Variants in DMXL1 observed in about 807,000 individuals in gnomAD.
The protein encoded by DMXL1 is dmX-like protein 1.
In DMXL1, 99 loss-of-function variants were observed where a neutral mutation model predicts 319.2. The observed-to-expected ratio is 0.31, with a 90% CI of 0.26 to 0.37. The LOEUF (loss-of-function observed/expected upper bound fraction) is 0.37. Among genes scored for constraint, DMXL1 ranks in the 10% least tolerant of loss-of-function variants. DMXL1 has a pLI of 1.00. For missense variants in DMXL1, 3,745 were observed against 3,595.6 expected, an observed-to-expected ratio of 1.04 and a Z score of -1.06; for synonymous variants, 1,385 against 1,235.2, an observed-to-expected ratio of 1.12 and a Z score of -2.54.
At chr5:119,071,774 T>G in intron 1 of DMXL1, 118 bp downstream of exon 1, 1 of 897,632 alleles carries the variant, frequency 1.1e-6, no homozygotes, top group Middle Eastern at 3.5e-4. Context: ...GGGGGGTCCT[T>G]ACCACCCAGA....
At chr5:119,226,335 T>A (rs1785555124) in intron 38 of DMXL1, among the ~76,000 whole-genome samples, 1 of 152,202 alleles carries the variant, frequency 6.6e-6, no homozygotes, top group South Asian at 2.1e-4. Flanking sequence ...CTTTTCGTGT[T>A]GTGAAAATGT....
At chr5:119,217,013 G>T in intron 35 of DMXL1, 26 bp downstream of exon 35, 1 of 1,266,584 alleles carries the variant, frequency 7.9e-7, no homozygotes, top group Non-Finnish European at 1.1e-6. Flanking sequence ...TTCTTCTTTT[G>T]TTTATTAAGT....
At position 119,249,108 on chromosome 5, in the gene DMXL1, A is replaced by C. The variant is rs1289359766; in HGVS notation, c.*1889A>C. 1 of 152,592 alleles carries C rather than the reference A, an allele frequency of 6.6e-6. No individual in the cohort carries two copies. The highest frequency in any genetic ancestry group is 2.4e-5 in the African/African-American group (1 of 41,456). The allele number at this position is 152,592 out of a possible 1,614,324, so 9.5% of individuals were successfully genotyped here. A position where few individuals can be genotyped will look rare whatever the true frequency, so the allele number is the denominator to read the frequency against. Reference sequence around the variant, plus strand: ...ATCCAGAGTCATAATATTTTAAATAAACAATCATGCAGAAACTTTTTTAGG... The same window carrying C: ...ATCCAGAGTCATAATATTTTAAATACACAATCATGCAGAAACTTTTTTAGG... On this transcript the variant is annotated 3_prime_UTR_variant, in exon 44 of 44. Coordinates refer to ENST00000539542, the MANE Select transcript of DMXL1 (RefSeq NM_001290321.3).
chr5:119,166,839 G>T (rs1773536085), intron 22 of DMXL1, 58 bp downstream of exon 22: 1 of 1,389,596 alleles, frequency 7.2e-7, no homozygotes, highest in Non-Finnish European at 9.7e-7. Context: ...AAGCTCCTTA[G>T]TGCTTAAATT....
intron 2 of DMXL1, among the ~76,000 whole-genome samples, chr5:119,100,321 A>C (rs1477782226): frequency 6.6e-6 from 1 of 151,800 alleles, no homozygotes; most frequent in Non-Finnish European, 1.5e-5. Context: ...CTGTAATCCC[A>C]GCTACTCAGG....
chr5:119,217,765 TGTAATAC>T (rs1783939168), intron 35 of DMXL1, among the ~76,000 whole-genome samples: 1 of 152,192 alleles, frequency 6.6e-6, no homozygotes, highest in Non-Finnish European at 1.5e-5. Context: ...ATATGTAATA[TGTAATAC>T]AGGGAAGTGT....
chr5:119,195,396 A>G (rs945912479), intron 30 of DMXL1, among the ~76,000 whole-genome samples: 9 of 152,236 alleles, frequency 5.9e-5, no homozygotes, highest in African/African-American at 1.7e-4. Flanking sequence ...TGTACGTTCA[A>G]CGGAGTATTA....
At position 119,152,031 on chromosome 5, in the gene DMXL1, A is replaced by G; in HGVS notation, c.4697A>G (p.His1566Arg). Residue 1566 changes from histidine (H) to arginine (R), a missense_variant, in exon 19 of 44, where the codon CAC becomes CGC. Coordinates refer to ENST00000539542, the MANE Select transcript of DMXL1 (RefSeq NM_001290321.3). ...SLPAYRAQLL[H>R]QGLSTSHFAW... is the part of the protein sequence containing the mutation. Reference sequence around the variant, plus strand: ...CCAGCCTATCGAGCTCAACTCCTTCACCAAGGTGATTTTGATAGTAATCTA... The same window carrying G: ...CCAGCCTATCGAGCTCAACTCCTTCGCCAAGGTGATTTTGATAGTAATCTA... 6.2e-7 allele frequency: 1 copy of G among 1,605,954 alleles called. No individual in the cohort carries two copies. The highest frequency in any genetic ancestry group is 8.5e-7 in the Non-Finnish European group (1 of 1,173,798).
Position 119,071,396 on chromosome 5 carries a change from C to G in DMXL1, c.-174C>G. 1.6e-6 allele frequency: 1 copy of G among 616,596 alleles called. No homozygotes were observed. 38.2% of individuals were successfully genotyped at this position (616,596 alleles called of 1,614,324 possible). On this transcript the variant is annotated 5_prime_UTR_variant, in exon 1 of 44. Coordinates refer to ENST00000539542, the MANE Select transcript of DMXL1 (RefSeq NM_001290321.3). The stretch of plus-strand genomic sequence containing the variant: ...CCCCTCCGGGCCTCGCCCTCCGGGG[C>G]TCGGGATGAGTCGCGGGCCCCAGCT...
Position 119,135,202 on chromosome 5 carries a change from AT to A in DMXL1, c.2376+818del, listed in dbSNP as rs368363361. On this transcript the variant is annotated intron_variant, in intron 13 of 43. Transcript: ENST00000539542. ...GGGGGGGGTCTTCTATTTATCAGGCATTTTTAAGTAATGGGAATTTAGATGT... is the reference window on the plus strand; with the variant it reads ...GGGGGGGGTCTTCTATTTATCAGGCATTTTAAGTAATGGGAATTTAGATGT... Among the ~76,000 whole-genome samples the A allele has an allele frequency of 2.4e-4, 36 of 152,292 alleles. 1 individual carries two copies. In the East Asian group the frequency reaches 6.7e-3, roughly 29 times the overall value.
At position 119,171,096 on chromosome 5, in the gene DMXL1, A is replaced by C; in HGVS notation, c.6305A>C (p.Asp2102Ala). The change falls in exon 24 of 44, where the codon GAT becomes GCT. Residue 2102 changes from aspartate (D) to alanine (A), a missense_variant. By Grantham distance (126) the Asp-to-Ala change is moderately radical (BLOSUM62 -2). Coordinates refer to ENST00000539542, the MANE Select transcript of DMXL1 (RefSeq NM_001290321.3). ...TTTGGATTAAATGAGGATGCTGAAG[A>C]TTTGCCTCACCAAACAAAAGTGAAA... ...DEFGLNEDAE[D>A]LPHQTKVKQL... 1 of 1,613,892 alleles carries C rather than the reference A, an allele frequency of 6.2e-7. No homozygotes were observed. Among genetic ancestry groups the C allele is most frequent in the South Asian group, 1.1e-5 (1 of 91,060 alleles).
At position 119,120,971 on chromosome 5, in the gene DMXL1, G is replaced by C. The variant is rs1017468932; in HGVS notation, c.934G>C (p.Val312Leu). The change falls in exon 9 of 44, where the codon GTA becomes CTA. Residue 312 changes from valine (V) to leucine (L), a missense_variant and splice_region_variant. Physicochemically the swap from Val to Leu is conservative, Grantham distance 32 (BLOSUM62 1). Coordinates refer to ENST00000539542, the MANE Select transcript of DMXL1 (RefSeq NM_001290321.3). ...ATTAGTTTTGTTTCTATTCACACAG[G>C]TAAATCTGAGACATTTTCGTAGAGG... ...SKERVQNALEVNLRHFRRGRR... is the reference protein window; with the variant it reads ...SKERVQNALELNLRHFRRGRR... 5 of 1,606,820 alleles carry C rather than the reference G, an allele frequency of 3.1e-6. No homozygotes were observed. The highest frequency in any genetic ancestry group is 4.2e-6 in the Non-Finnish European group (5 of 1,177,614).
At chr5:119,108,538 C>T (rs1430862872) in intron 4 of DMXL1, among the ~76,000 whole-genome samples, 2 of 152,088 alleles carry the variant, frequency 1.3e-5, no homozygotes, top group African/African-American at 4.8e-5. Context: ...ATCCTTTCAC[C>T]TCAGCCTCCC....
At chr5:119,175,172 T>C in intron 25 of DMXL1, 89 bp from the exon 26 acceptor site, 1 of 968,708 alleles carries the variant, frequency 1.0e-6, no homozygotes, top group Non-Finnish European at 1.5e-6. Flanking sequence ...TTTTTCATTC[T>C]TTTAAAAATG....
intron 24 of DMXL1, 97 bp downstream of exon 24, chr5:119,171,377 T>C (rs923150202): frequency 1.6e-6 from 2 of 1,263,042 alleles, no homozygotes; most frequent in African/African-American, 3.0e-5. Context: ...ATTTTCTTTA[T>C]TACGGTTGCT....
intron 19 of DMXL1, among the ~76,000 whole-genome samples, chr5:119,163,055 T>C (rs1157701217): frequency 6.6e-6 from 1 of 152,196 alleles, no homozygotes; most frequent in Admixed American, 6.5e-5. Context: ...GCAATAAACA[T>C]GTGTAGGCCA....
intron 25 of DMXL1, among the ~76,000 whole-genome samples, chr5:119,173,756 A>ATATATATATGTGTGTG (rs1561795278): frequency 7.2e-5 from 7 of 97,486 alleles, no homozygotes; most frequent in African/African-American, 3.8e-4. Flanking sequence ...ATGTGTGTGT[A>ATATATATATGTGTGTG]TATATATATA....
intron 33 of DMXL1, among the ~76,000 whole-genome samples, chr5:119,206,233 T>TG (rs1781717807): frequency 6.6e-6 from 1 of 152,092 alleles, no homozygotes; most frequent in African/African-American, 2.4e-5. Context: ...TTTCTGTTTT[T>TG]TTTTGTTTTG....
At chr5:119,197,540 C>T (rs1219791252) in intron 31 of DMXL1, among the ~76,000 whole-genome samples, 2 of 152,142 alleles carry the variant, frequency 1.3e-5, no homozygotes, top group Non-Finnish European at 2.9e-5. Flanking sequence ...TGTTGAAATA[C>T]TTACACAGAT....
Sources: gnomAD v4.1 joint callset for allele counts (sites outside exome capture counted in the v4.1 genomes callset) on GRCh38, gnomAD v4.1.1 for gene constraint, MANE v1.5 for transcripts, NCBI Gene and HGNC (gene_info 2026-07-23, HGNC 2026-07-21) for gene names.